CALB2: variants seen among roughly 807,000 people sequenced by gnomAD.
CALB2 encodes calretinin.
Under a neutral mutation model 45.9 loss-of-function variants are expected in CALB2, and 34 were observed. That is an observed-to-expected ratio of 0.74 (90% CI 0.56 to 0.99). The LOEUF (loss-of-function observed/expected upper bound fraction) is 0.99. Among genes scored for constraint, CALB2 ranks in the 50% least tolerant of loss-of-function variants. CALB2 has a pLI of 0.00. For missense variants in CALB2, 344 were observed against 339.3 expected, an observed-to-expected ratio of 1.01 and a Z score of -0.11; for synonymous variants, 142 against 129.6, an observed-to-expected ratio of 1.10 and a Z score of -0.65.
intron 1 of CALB2, among the ~76,000 whole-genome samples, chr16:71,369,000 G>A (rs1383582040): frequency 1.3e-5 from 2 of 152,134 alleles, no homozygotes; most frequent in East Asian, 3.9e-4. Context: ...CTAGAGATCT[G>A]TACTTTACTT....
chr16:71,380,300 T>C, intron 4 of CALB2, among the ~76,000 whole-genome samples: 8 of 68,228 alleles, frequency 1.2e-4, no homozygotes, highest in Non-Finnish European at 2.0e-4. Flanking sequence ...TTCTTTTTTT[T>C]TTTTTTTTTT....
chr16:71,366,210 T>G (rs1001417281), intron 1 of CALB2, among the ~76,000 whole-genome samples: 1 of 150,394 alleles, frequency 6.6e-6, no homozygotes. Context: ...GTATTTTTAG[T>G]AGAGACGGGA....
intron 2 of CALB2, among the ~76,000 whole-genome samples, chr16:71,373,109 G>T (rs995720515): frequency 1.3e-5 from 2 of 152,262 alleles, no homozygotes; most frequent in African/African-American, 4.8e-5. Context: ...CAGGTGATTG[G>T]AACTAGTCTG....
intron 10 of CALB2, among the ~76,000 whole-genome samples, chr16:71,386,220 C>A (rs902490760): frequency 1.3e-5 from 2 of 152,112 alleles, no homozygotes; most frequent in African/African-American, 2.4e-5. Flanking sequence ...ATAAATATAC[C>A]ACATTTTGTT....
At chr16:71,362,707 A>T (rs2144948901) in intron 1 of CALB2, among the ~76,000 whole-genome samples, 1 of 152,336 alleles carries the variant, frequency 6.6e-6, no homozygotes, top group Admixed American at 6.5e-5. Context: ...TTTATTATGA[A>T]TGATATATGT....
At chr16:71,359,003 T>G in intron 1 of CALB2, 117 bp downstream of exon 1, 1 of 827,948 alleles carries the variant, frequency 1.2e-6, no homozygotes, top group Middle Eastern at 2.3e-4. Flanking sequence ...GGTGGTCTGG[T>G]CGCAGAGCCT....
intron 1 of CALB2, among the ~76,000 whole-genome samples, chr16:71,360,211 G>C (rs1014674592): frequency 3.9e-5 from 6 of 152,178 alleles, no homozygotes; most frequent in Non-Finnish European, 4.4e-5. Flanking sequence ...GCTGGGCAGA[G>C]ATCCTCTGCC....
chr16:71,358,966 C>G, intron 1 of CALB2, 80 bp downstream of exon 1: 1 of 1,248,602 alleles, frequency 8.0e-7, no homozygotes, highest in Non-Finnish European at 1.1e-6. Context: ...GCGCTGAATG[C>G]GGGCAGGTGT....
At position 71,358,829 on chromosome 16, in the gene CALB2, C is replaced by T. The variant is rs745857934; in HGVS notation, c.37C>T (p.Leu13=). ...GPQQQPPYLH[L]AELTASQFLE... is the part of the protein sequence containing the mutation. ...GCAGCAGCAGCCCCCTTACCTGCAC[C>T]TGGCCGAGCTGACGGCGTCCCAGTT... Residue 13 remains leucine (L), a synonymous_variant, in exon 1 of 11, where the codon CTG becomes TTG. Coordinates refer to ENST00000302628, the MANE Select transcript of CALB2 (RefSeq NM_001740.5). 1.9e-6 allele frequency: 3 copies of T among 1,612,240 alleles called. No homozygotes were observed. The highest frequency in any genetic ancestry group is 3.3e-5 in the Admixed American group (2 of 59,916).
chr16:71,384,452 C>A, intron 8 of CALB2, 74 bp downstream of exon 8: 1 of 1,244,490 alleles, frequency 8.0e-7, no homozygotes, highest in Non-Finnish European at 1.2e-6. Flanking sequence ...CTTCCCCCAA[C>A]GCACCACACA....
At chr16:71,388,045 C>T (rs1052081151) in intron 10 of CALB2, among the ~76,000 whole-genome samples, 1 of 152,084 alleles carries the variant, frequency 6.6e-6, no homozygotes, top group African/African-American at 2.4e-5. Flanking sequence ...TACAGATATT[C>T]ATGATTAGAT....
intron 4 of CALB2, 86 bp downstream of exon 4, chr16:71,377,833 A>C: frequency 1.1e-6 from 1 of 946,908 alleles, no homozygotes; most frequent in East Asian, 2.5e-5. Flanking sequence ...CCTGCCTGGT[A>C]ATGGTCCCTG....
intron 5 of CALB2, 30 bp downstream of exon 5, chr16:71,382,805 C>T: frequency 6.3e-7 from 1 of 1,588,348 alleles, no homozygotes; most frequent in Non-Finnish European, 8.6e-7. Context: ...GGGTGTGAGG[C>T]CAGAGTGGCG....
intron 1 of CALB2, among the ~76,000 whole-genome samples, chr16:71,371,653 C>T (rs1004983320): frequency 3.3e-5 from 5 of 152,108 alleles, no homozygotes; most frequent in African/African-American, 1.2e-4. Context: ...ACAAGGACAC[C>T]GACCACTGGA....
At chr16:71,370,596 C>T (rs1256976572) in intron 1 of CALB2, among the ~76,000 whole-genome samples, 1 of 152,128 alleles carries the variant, frequency 6.6e-6, no homozygotes, top group East Asian at 1.9e-4. Flanking sequence ...TGCCAGGTAC[C>T]TGTAATCCCA....
chr16:71,370,209 A>C (rs956506270), intron 1 of CALB2, among the ~76,000 whole-genome samples: 1 of 152,226 alleles, frequency 6.6e-6, no homozygotes, highest in South Asian at 2.1e-4. Context: ...CTCTAAGTTT[A>C]TTAAGAATTT....
intron 7 of CALB2, 131 bp from the exon 8 acceptor site, chr16:71,384,208 C>T: frequency 1.0e-6 from 1 of 991,868 alleles, no homozygotes; most frequent in Non-Finnish European, 1.6e-6. Context: ...TTTGAACTTC[C>T]CACTGATTCA....
At chr16:71,382,529 G>A (rs535082628) in intron 4 of CALB2, among the ~76,000 whole-genome samples, 190 bp from the exon 5 acceptor site, 1 of 152,316 alleles carries the variant, frequency 6.6e-6, no homozygotes, top group Admixed American at 6.5e-5. Flanking sequence ...TGAGATCACT[G>A]TCGAGATACT....
chr16:71,362,144 G>C (rs1017467933), intron 1 of CALB2, among the ~76,000 whole-genome samples: 1 of 152,126 alleles, frequency 6.6e-6, no homozygotes, highest in Non-Finnish European at 1.5e-5. Flanking sequence ...GTTGCTTCCT[G>C]GACACTTCTG....
Sources: gnomAD v4.1 joint callset for allele counts (sites outside exome capture counted in the v4.1 genomes callset) on GRCh38, gnomAD v4.1.1 for gene constraint, MANE v1.5 for transcripts, NCBI Gene and HGNC (gene_info 2026-07-23, HGNC 2026-07-21) for gene names.